The following SLC13A1 variants were observed in gnomAD, a reference collection of about 807,000 sequenced individuals.
The protein encoded by SLC13A1 is Na(+)/sulfate cotransporter.
In SLC13A1, 65 loss-of-function variants were observed where a neutral mutation model predicts 70.0. That is an observed-to-expected ratio of 0.93 (90% confidence interval 0.76 to 1.14). The LOEUF (loss-of-function observed/expected upper bound fraction) is 1.14, where lower values mean the gene tolerates loss of function less well. Ranked by LOEUF, SLC13A1 falls within the 50% of genes most tolerant of loss-of-function variation. SLC13A1 has a pLI of 0.00. For missense variants in SLC13A1, 726 were observed against 717.8 expected (o/e 1.01, Z -0.13); for synonymous variants, 275 against 250.5 (o/e 1.10, Z -0.92).
At chr7:123,176,961 C>G (rs1400171689) in intron 2 of SLC13A1, among the ~76,000 whole-genome samples, 1 of 152,140 alleles carries the variant, frequency 6.6e-6, no homozygotes, top group Non-Finnish European at 1.5e-5. Flanking sequence ...TAAATACCAT[C>G]TATATTTTGA....
At chr7:123,141,103 T>C (rs1794121239) in intron 7 of SLC13A1, among the ~76,000 whole-genome samples, 1 of 152,088 alleles carries the variant, frequency 6.6e-6, no homozygotes, top group Admixed American at 6.5e-5. Context: ...TTTTGATATG[T>C]TGTGTTTCCA....
In SLC13A1 at chr7:123,147,150, G is replaced by T; in HGVS notation, c.812+9C>A. The T allele has an allele frequency of 6.2e-7, 1 of 1,612,018 alleles. No individual in the cohort carries two copies. The highest frequency in any genetic ancestry group is 8.5e-7 in the Non-Finnish European group (1 of 1,179,180). ...TATGTTAAATCACCAATCCAATAAG[G>T]TTACTTACGTATTGAAATACTCTGC... On this transcript the variant is annotated intron_variant, in intron 7 of 14. Transcript: ENST00000194130.
rs564575583 is a variant in SLC13A1 at position 123,133,040 on chromosome 7, A to G, written c.932+1370T>C. 2.0e-5 allele frequency among the ~76,000 whole-genome samples: 3 copies of G among 147,090 alleles called. No homozygotes were observed. In the South Asian group the frequency reaches 6.5e-4, roughly 32 times the overall value. On this transcript the variant is annotated intron_variant, in intron 8 of 14. Transcript: ENST00000194130. ...CATCAGTCGGTCTTTATTGGTCAAC[A>G]TTTTTTTTTTTACTTTGACTTCTAT...
intron 10 of SLC13A1, among the ~76,000 whole-genome samples, chr7:123,128,346 A>G (rs1683798777): frequency 6.6e-6 from 1 of 152,148 alleles, no homozygotes; most frequent in Non-Finnish European, 1.5e-5. Flanking sequence ...TACTTCACAT[A>G]ATAACATTAG....
At chr7:123,181,798 C>T (rs1434242508) in intron 1 of SLC13A1, among the ~76,000 whole-genome samples, 3 of 152,102 alleles carry the variant, frequency 2.0e-5, no homozygotes, top group African/African-American at 4.8e-5. Flanking sequence ...TCACCTGGAA[C>T]GTTCTAAGTC....
intron 6 of SLC13A1, among the ~76,000 whole-genome samples, chr7:123,156,700 G>C (rs1236791892): frequency 6.6e-6 from 1 of 152,050 alleles, no homozygotes; most frequent in African/African-American, 2.4e-5. Flanking sequence ...TTCTTTATTA[G>C]ACGAAGCTCT....
intron 6 of SLC13A1, among the ~76,000 whole-genome samples, chr7:123,155,519 A>C (rs1425742241): frequency 6.6e-6 from 1 of 151,696 alleles, no homozygotes; most frequent in Non-Finnish European, 1.5e-5. Flanking sequence ...GTTTCCCGCA[A>C]ATTGCTCTTT....
At chr7:123,122,949 A>G (rs940513532) in intron 12 of SLC13A1, among the ~76,000 whole-genome samples, 177 bp downstream of exon 12, 1 of 152,112 alleles carries the variant, frequency 6.6e-6, no homozygotes, top group Non-Finnish European at 1.5e-5. Flanking sequence ...GCAGCCTGTA[A>G]TATTTCTTGA....
chr7:123,120,225 C>G (rs1365633039), intron 12 of SLC13A1, among the ~76,000 whole-genome samples: 1 of 152,016 alleles, frequency 6.6e-6, no homozygotes, highest in Non-Finnish European at 1.5e-5. Flanking sequence ...ATTTTTTAAT[C>G]TACTCTTTTG....
In SLC13A1 at chr7:123,187,601, T is replaced by G. The variant is rs150327362; in HGVS notation, c.100-6500A>C. On this transcript the variant is annotated intron_variant, in intron 1 of 14. Transcript: ENST00000194130. ...GGTTTGTATCCTTTCCATTCATGTTTTTGTGATTATACTACATGCAGACAT... is the reference window on the plus strand; with the variant it reads ...GGTTTGTATCCTTTCCATTCATGTTGTTGTGATTATACTACATGCAGACAT... Among the ~76,000 whole-genome samples the G allele has an allele frequency of 6.4e-4, 97 of 152,316 alleles. 3 individuals carry two copies. In the East Asian group the frequency reaches 0.018, roughly 28 times the overall value.
chr7:123,156,131 T>C (rs1794705467), intron 6 of SLC13A1, among the ~76,000 whole-genome samples: 1 of 152,108 alleles, frequency 6.6e-6, no homozygotes, highest in Non-Finnish European at 1.5e-5. Flanking sequence ...TTTATTGGCT[T>C]TTTTCATTAC....
chr7:123,148,529 C>T (rs1794442381), intron 6 of SLC13A1: 1 of 450,954 alleles, frequency 2.2e-6, no homozygotes, highest in Non-Finnish European at 4.5e-6. Context: ...TTTTTCTCAC[C>T]CATGACCCTG....
intron 1 of SLC13A1, chr7:123,186,560 C>G (rs1585401601): frequency 7.2e-6 from 2 of 276,708 alleles, no homozygotes; most frequent in East Asian, 1.9e-4. Flanking sequence ...AATAAAACCA[C>G]CACAAATTGT....
chr7:123,117,444 T>C (rs766603611), intron 14 of SLC13A1, 27 bp downstream of exon 14: 1 of 1,603,146 alleles, frequency 6.2e-7, no homozygotes, highest in African/African-American at 1.3e-5. Context: ...GTATTGGATT[T>C]GATAGTATTT....
chr7:123,182,857 C>G lies in SLC13A1; in HGVS notation c.100-1756G>C, dbSNP rs899694816. Among the ~76,000 whole-genome samples the G allele has an allele frequency of 2.0e-5, 3 of 151,984 alleles. No homozygotes were observed. The East Asian group carries it at 5.8e-4, about 29-fold the overall frequency. ...TGGCTCAGCCCTGACTGAAATCAACCAAAAGTCAGTGACTTTTAGTTGTTT... is the reference window on the plus strand; with the variant it reads ...TGGCTCAGCCCTGACTGAAATCAACGAAAAGTCAGTGACTTTTAGTTGTTT... On this transcript the variant is annotated intron_variant, in intron 1 of 14. Transcript: ENST00000194130.
intron 6 of SLC13A1, among the ~76,000 whole-genome samples, chr7:123,166,597 A>G (rs548575446): frequency 1.3e-5 from 2 of 151,858 alleles, no homozygotes; most frequent in South Asian, 2.1e-4. Context: ...TCCTGTGCCC[A>G]TGTGTTCTCA....
intron 1 of SLC13A1, among the ~76,000 whole-genome samples, chr7:123,193,055 A>G (rs1325972712): frequency 1.3e-5 from 2 of 152,056 alleles, no homozygotes; most frequent in African/African-American, 2.4e-5. Flanking sequence ...TTGTTTTCAT[A>G]CTCTGTACAC....
At chr7:123,182,591 A>C (rs566162543) in intron 1 of SLC13A1, among the ~76,000 whole-genome samples, 13 of 152,216 alleles carry the variant, frequency 8.5e-5, no homozygotes, top group East Asian at 1.9e-4. Flanking sequence ...CCTGACAACT[A>C]TCTGGAGCAC....
intron 1 of SLC13A1, among the ~76,000 whole-genome samples, chr7:123,193,229 C>G (rs1166178930): frequency 6.6e-6 from 1 of 152,036 alleles, no homozygotes; most frequent in Non-Finnish European, 1.5e-5. Context: ...TGATTTTACA[C>G]AAGTATCTCA....
Sources: gnomAD v4.1 joint callset for allele counts (sites outside exome capture counted in the v4.1 genomes callset) on GRCh38, gnomAD v4.1.1 for gene constraint, MANE v1.5 for transcripts, NCBI Gene and HGNC (gene_info 2026-07-23, HGNC 2026-07-21) for gene names.